Variants in DNM2 observed in about 807,000 individuals in gnomAD.
DNM2 encodes dynamin-2.
A neutral mutation model predicts 99.0 loss-of-function variants in DNM2; 15 were observed. That is an observed-to-expected ratio of 0.15 (90% confidence interval 0.10 to 0.23). DNM2 has a LOEUF of 0.23. Ranked by LOEUF, DNM2 falls within the 10% of genes least tolerant of loss-of-function variation. DNM2 has a pLI of 1.00. For missense variants in DNM2, 742 were observed against 1,189.4 expected (o/e 0.62, Z 5.53); for synonymous variants, 525 against 481.2 (o/e 1.09, Z -1.19).
At position 10,820,785 on chromosome 19, in the gene DNM2, C is replaced by A. The variant is rs1378617197; in HGVS notation, c.1781+696C>A. Among the ~76,000 whole-genome samples the A allele has an allele frequency of 2.0e-5, 3 of 152,200 alleles. No homozygotes were observed. The highest frequency in any genetic ancestry group is 4.4e-5 in the Non-Finnish European group (3 of 68,030). ...GTCTGGGATGTGAACTGGGCAGTCACCATTGCGTGGATGGTATTTCAAGGA... is the reference window on the plus strand; with the variant it reads ...GTCTGGGATGTGAACTGGGCAGTCAACATTGCGTGGATGGTATTTCAAGGA... On this transcript the variant is annotated intron_variant, in intron 16 of 20. Transcript: ENST00000389253. The surrounding 1 kb of genome is among the most constrained non-coding windows in gnomAD (Gnocchi z 4.3).
chr19:10,720,591 G>A (rs998127454), intron 1 of DNM2, among the ~76,000 whole-genome samples: 2 of 152,062 alleles, frequency 1.3e-5, no homozygotes, highest in Admixed American at 6.6e-5. Context: ...CAGGTAGGGT[G>A]GTAGTCCCAC....
chr19:10,739,215 CT>C (rs2069648214), intron 1 of DNM2, among the ~76,000 whole-genome samples: 1 of 152,192 alleles, frequency 6.6e-6, no homozygotes, highest in African/African-American at 2.4e-5. Flanking sequence ...TTCCCTTGTT[CT>C]TCTATGGGGA....
intron 1 of DNM2, among the ~76,000 whole-genome samples, chr19:10,749,936 G>C (rs2070135239): frequency 6.6e-6 from 1 of 152,208 alleles, no homozygotes; most frequent in Non-Finnish European, 1.5e-5. Context: ...CCCTGCAAAG[G>C]CCTGAAGGCC....
At chr19:10,739,657 A>T (rs1599451168) in intron 1 of DNM2, among the ~76,000 whole-genome samples, 1 of 152,210 alleles carries the variant, frequency 6.6e-6, no homozygotes, top group Non-Finnish European at 1.5e-5. Context: ...AATTGATGAG[A>T]CCAGCCTGCC....
In DNM2 at chr19:10,812,488, C is replaced by T; in HGVS notation, c.1671+111C>T. 2 of 896,566 alleles carry T rather than the reference C, an allele frequency of 2.2e-6. No homozygotes were observed. The highest frequency in any genetic ancestry group is 3.0e-4 in the Middle Eastern group (1 of 3,322). The allele number at this position is 896,566 out of a possible 1,614,324, so 55.5% of individuals were successfully genotyped here. On this transcript the variant is annotated intron_variant, in intron 15 of 20. Transcript: ENST00000389253. The surrounding 1 kb of genome is among the most constrained non-coding windows in gnomAD (Gnocchi z 4.0). Reference sequence around the variant, plus strand: ...GTCACTGCGCCACTCTGCCCTGAGTCACCATTAGGACTGTAACTCGCCGGG... The same window carrying T: ...GTCACTGCGCCACTCTGCCCTGAGTTACCATTAGGACTGTAACTCGCCGGG...
chr19:10,721,285 T>A (rs971569633), intron 1 of DNM2, among the ~76,000 whole-genome samples: 1 of 151,988 alleles, frequency 6.6e-6, no homozygotes, highest in Non-Finnish European at 1.5e-5. Context: ...GCCTCCCGAG[T>A]AGCTGGGATT....
rs370376192 is a variant in DNM2, at chr19:10,795,480, C to T, written c.1196+41C>T. 4.6e-4 allele frequency: 747 copies of T among 1,610,030 alleles called. 8 individuals carry two copies. The African/African-American group carries it at 8.5e-3, about 18-fold the overall frequency. On this transcript the variant is annotated intron_variant, in intron 9 of 20. Transcript: ENST00000389253. The surrounding 1 kb of genome is among the most constrained non-coding windows in gnomAD (Gnocchi z 4.2). ...AGAGTCACCACTGTTCCTTCCTCTCCGTGGTGCGACCCCCCAGCTAATTGG... is the reference window on the plus strand; with the variant it reads ...AGAGTCACCACTGTTCCTTCCTCTCTGTGGTGCGACCCCCCAGCTAATTGG...
intron 5 of DNM2, 95 bp downstream of exon 5, chr19:10,777,311 A>C: frequency 8.6e-7 from 1 of 1,157,826 alleles, no homozygotes; most frequent in Non-Finnish European, 1.3e-6. Flanking sequence ...CCTGGAAGTC[A>C]TTGCTTCTCC....
chr19:10,789,255 C>G (rs1392635053), intron 7 of DNM2, among the ~76,000 whole-genome samples: 1 of 152,158 alleles, frequency 6.6e-6, no homozygotes, highest in Non-Finnish European at 1.5e-5. Flanking sequence ...GCCTACTAGA[C>G]TGAAGGAAGT....
chr19:10,818,801 C>T lies in DNM2; in HGVS notation c.1672-1179C>T, dbSNP rs1177131378. Reference sequence around the variant, plus strand: ...CAGGGGCACTGTGGGGAGGACTGGGCTTTGGGTCACAGAGACCTGGCCTCT... The same window carrying T: ...CAGGGGCACTGTGGGGAGGACTGGGTTTTGGGTCACAGAGACCTGGCCTCT... On this transcript the variant is annotated intron_variant, in intron 15 of 20. Coordinates refer to ENST00000389253, the MANE Select transcript of DNM2 (RefSeq NM_001005361.3). The surrounding 1 kb of genome is among the most constrained non-coding windows in gnomAD (Gnocchi z 4.3). Among the ~76,000 whole-genome samples, 1 of 152,208 alleles carries T rather than the reference C, an allele frequency of 6.6e-6. No individual in the cohort carries two copies. Among genetic ancestry groups the T allele is most frequent in the Non-Finnish European group, 1.5e-5 (1 of 68,036 alleles).
chr19:10,745,786 T>C (rs1191951791), intron 1 of DNM2, among the ~76,000 whole-genome samples: 3 of 151,608 alleles, frequency 2.0e-5, no homozygotes, highest in African/African-American at 7.3e-5. Flanking sequence ...GAAGGGGAGG[T>C]GGGCATCAGT....
chr19:10,798,766 C>T (rs1380580124), intron 11 of DNM2, among the ~76,000 whole-genome samples, 194 bp downstream of exon 11: 2 of 151,842 alleles, frequency 1.3e-5, no homozygotes, highest in Non-Finnish European at 2.9e-5. Context: ...TAACCCTTAC[C>T]TCAATCAAGA....
intron 11 of DNM2, among the ~76,000 whole-genome samples, chr19:10,801,296 ACT>A (rs2072131913): frequency 6.7e-6 from 1 of 149,516 alleles, no homozygotes; most frequent in African/African-American, 2.5e-5. Context: ...ACACAGTGAG[ACT>A]CTGTCTCCCA....
At chr19:10,797,335 T>G (rs1568306228) in intron 9 of DNM2, 45 bp from the exon 10 acceptor site, 1 of 1,608,652 alleles carries the variant, frequency 6.2e-7, no homozygotes, top group East Asian at 2.2e-5. Flanking sequence ...GCCTGCACTG[T>G]CCCTGGGTGT....
At chr19:10,792,255 T>G (rs191979771) in intron 7 of DNM2, among the ~76,000 whole-genome samples, 33 of 152,306 alleles carry the variant, frequency 2.2e-4, no homozygotes, top group African/African-American at 7.7e-4. Flanking sequence ...AGTTGGGGTA[T>G]GAAGGAGACC....
intron 5 of DNM2, among the ~76,000 whole-genome samples, chr19:10,779,917 A>G (rs2071301864): frequency 6.6e-6 from 1 of 151,852 alleles, no homozygotes; most frequent in South Asian, 2.1e-4. Context: ...GCCTCCCAAA[A>G]TGCTGGGATT....
At chr19:10,784,819 A>ATTTTTTTTTTTTTT (rs35575438) in intron 6 of DNM2, among the ~76,000 whole-genome samples, 13 of 99,464 alleles carry the variant, frequency 1.3e-4, no homozygotes, top group South Asian at 3.2e-4. Flanking sequence ...TTTTTTGATG[A>ATTTTTTTTTTTTTT]TTTTTTTTTT....
At chr19:10,770,146 A>G (rs1303563935) in intron 2 of DNM2, among the ~76,000 whole-genome samples, 1 of 152,168 alleles carries the variant, frequency 6.6e-6, no homozygotes, top group Non-Finnish European at 1.5e-5. Context: ...GGTTGCCATG[A>G]TGGGACGGTG....
chr19:10,827,893 T>C (rs1257257830), intron 18 of DNM2, among the ~76,000 whole-genome samples: 2 of 151,438 alleles, frequency 1.3e-5, no homozygotes, highest in East Asian at 3.9e-4. Flanking sequence ...AAAAAGTAAC[T>C]GAAAAACTTC....
Sources: allele counts gnomAD v4.1 joint callset (sites outside exome capture counted in the v4.1 genomes callset), GRCh38; gene constraint gnomAD v4.1.1; non-coding constraint Gnocchi (gnomAD v3.1); transcripts MANE v1.5; gene names NCBI Gene and HGNC (gene_info 2026-07-23, HGNC 2026-07-21).